The following SLC16A7 variants were observed in gnomAD, a reference collection of about 807,000 sequenced individuals.
SLC16A7 encodes the protein solute carrier family 16 member 7.
Under a neutral mutation model 34.9 loss-of-function variants are expected in SLC16A7, and 33 were observed. That is an observed-to-expected ratio of 0.94 (90% CI 0.72 to 1.26). SLC16A7 has a LOEUF of 1.26. SLC16A7 is among the 50% of genes most tolerant of loss of function. The pLI is 0.00. For synonymous variants in SLC16A7, 201 were observed against 206.6 expected, an observed-to-expected ratio of 0.97 and a Z score of 0.23; for missense variants, 573 against 578.1, an observed-to-expected ratio of 0.99 and a Z score of 0.09.
intron 2 of SLC16A7, among the ~76,000 whole-genome samples, chr12:59,704,215 A>G (rs1009875926): frequency 1.7e-4 from 24 of 141,136 alleles, no homozygotes; most frequent in South Asian, 1.1e-3. Context: ...AAAAAAAAAA[A>G]AAAGAAAAAG....
At chr12:59,699,732 T>C (rs918989113) in intron 2 of SLC16A7, among the ~76,000 whole-genome samples, 4 of 151,808 alleles carry the variant, frequency 2.6e-5, no homozygotes, top group Non-Finnish European at 4.4e-5. Flanking sequence ...TCCATATTTG[T>C]AAATTTGCAT....
chr12:59,681,760 T>G (rs966280118), intron 2 of SLC16A7, among the ~76,000 whole-genome samples: 2 of 152,182 alleles, frequency 1.3e-5, no homozygotes, highest in Non-Finnish European at 2.9e-5. Flanking sequence ...GATAGGGATC[T>G]CTCTGTCACT....
chr12:59,676,932 A>G (rs1193436519), intron 2 of SLC16A7, among the ~76,000 whole-genome samples: 2 of 152,198 alleles, frequency 1.3e-5, no homozygotes, highest in African/African-American at 4.8e-5. Flanking sequence ...CTACCATTCA[A>G]CTGAAGAACT....
Position 59,736,075 on chromosome 12 carries a change from T to A in SLC16A7, c.217+31057T>A, listed in dbSNP as rs17122899. On this transcript the variant is annotated intron_variant, in intron 3 of 5. Transcript: ENST00000547379. ...TAGTTGGTGAGACACCATACAACTG[T>A]GAGAGATTTATTCCCATATCTGAGA... 3.5e-3 allele frequency: 805 copies of A among 231,622 alleles called. 31 individuals carry two copies. The East Asian group carries it at 0.089, about 26-fold the overall frequency. 14.3% of individuals were successfully genotyped at this position (231,622 alleles called of 1,614,324 possible). A position where few individuals can be genotyped will look rare whatever the true frequency, so the allele number is the denominator to read the frequency against.
At chr12:59,707,972 T>C (rs2137153153) in intron 3 of SLC16A7, among the ~76,000 whole-genome samples, 1 of 152,254 alleles carries the variant, frequency 6.6e-6, no homozygotes, top group East Asian at 1.9e-4. Context: ...TGTCCACTGT[T>C]GAATATAGAT....
intron 1 of SLC16A7, among the ~76,000 whole-genome samples, chr12:59,647,401 T>G (rs1868266191): frequency 6.6e-6 from 1 of 152,202 alleles, no homozygotes; most frequent in South Asian, 2.1e-4. Context: ...TCCTTTCTGC[T>G]GCCATGTGAA....
intron 3 of SLC16A7, among the ~76,000 whole-genome samples, chr12:59,724,698 T>C (rs1440634457): frequency 2.0e-5 from 3 of 152,072 alleles, no homozygotes; most frequent in Non-Finnish European, 2.9e-5. Flanking sequence ...TGACTTTGTA[T>C]TTAATTTTAC....
intron 3 of SLC16A7, among the ~76,000 whole-genome samples, chr12:59,757,590 AAG>A (rs1880534068): frequency 6.6e-6 from 1 of 152,124 alleles, no homozygotes; most frequent in Admixed American, 6.5e-5. Flanking sequence ...AGAGAAATGA[AAG>A]TGCAAAAATG....
At chr12:59,702,353 A>G (rs531894916) in intron 2 of SLC16A7, among the ~76,000 whole-genome samples, 74 of 152,150 alleles carry the variant, frequency 4.9e-4, no homozygotes, top group African/African-American at 1.7e-3. Context: ...CAATTAATAG[A>G]TGAATAGATA....
At chr12:59,762,537 C>A (rs966301000) in intron 3 of SLC16A7, among the ~76,000 whole-genome samples, 1 of 152,102 alleles carries the variant, frequency 6.6e-6, no homozygotes, top group South Asian at 2.1e-4. Context: ...GTAAAACAAT[C>A]ATTCCCAGAA....
intron 2 of SLC16A7, among the ~76,000 whole-genome samples, chr12:59,666,438 G>A (rs1260713002): frequency 6.6e-6 from 1 of 152,168 alleles, no homozygotes; most frequent in African/African-American, 2.4e-5. Context: ...CTCAAGGTTA[G>A]AGAAGAGAGT....
intron 1 of SLC16A7, among the ~76,000 whole-genome samples, chr12:59,613,256 C>G (rs1592390429): frequency 6.6e-6 from 1 of 152,310 alleles, no homozygotes; most frequent in Non-Finnish European, 1.5e-5. Flanking sequence ...ATAAAACCAT[C>G]AGATCTTGTG....
chr12:59,629,098 G>A (rs1880065121), intron 1 of SLC16A7, among the ~76,000 whole-genome samples: 1 of 151,710 alleles, frequency 6.6e-6, no homozygotes, highest in Non-Finnish European at 1.5e-5. Context: ...CACATCATAG[G>A]CCTGGGAGAA....
chr12:59,612,821 T>G (rs964782924), intron 1 of SLC16A7, among the ~76,000 whole-genome samples: 4 of 152,212 alleles, frequency 2.6e-5, no homozygotes, highest in African/African-American at 9.6e-5. Flanking sequence ...CTCATCTCCA[T>G]CTGAGACTAC....
chr12:59,691,717 C>A (rs1871673404), intron 2 of SLC16A7, among the ~76,000 whole-genome samples: 1 of 151,958 alleles, frequency 6.6e-6, no homozygotes. Flanking sequence ...AACATTTTAG[C>A]TGTATAAGTG....
chr12:59,603,359 A>G (rs1211838575), intron 1 of SLC16A7, among the ~76,000 whole-genome samples: 1 of 152,150 alleles, frequency 6.6e-6, no homozygotes, highest in Non-Finnish European at 1.5e-5. Context: ...CAGCTGTTCC[A>G]TGTTCATCTC....
chr12:59,651,344 A>G (rs530945928), intron 1 of SLC16A7, among the ~76,000 whole-genome samples: 1 of 152,246 alleles, frequency 6.6e-6, no homozygotes, highest in South Asian at 2.1e-4. Context: ...ACTCATTTTC[A>G]GTATATGATG....
chr12:59,704,864 T>G lies in SLC16A7; in HGVS notation c.63T>G (p.Ile21Met). ...CTCCAGATGGAGGATGGGGTTGGAT[T>G]GTGGTTGGAGCAGCTTTTATCTCCA... ...HPPPDGGWGW[I>M]VVGAAFISIG... Residue 21 changes from isoleucine (I) to methionine (M), a missense_variant, in exon 3 of 6, where the codon ATT becomes ATG. Transcript: ENST00000547379. 4 of 1,613,904 alleles carry G rather than the reference T, an allele frequency of 2.5e-6. No homozygotes were observed. The highest frequency in any genetic ancestry group is 3.4e-6 in the Non-Finnish European group (4 of 1,179,900).
chr12:59,626,869 A>G (rs780180692), intron 1 of SLC16A7, among the ~76,000 whole-genome samples: 2 of 151,830 alleles, frequency 1.3e-5, no homozygotes, highest in Non-Finnish European at 2.9e-5. Context: ...AGTAAAATAG[A>G]TGTAAACTTT....
Sources: allele counts gnomAD v4.1 joint callset (sites outside exome capture counted in the v4.1 genomes callset), GRCh38; gene constraint gnomAD v4.1.1; transcripts MANE v1.5; gene names NCBI Gene and HGNC (gene_info 2026-07-23, HGNC 2026-07-21).